The following LNPK variants were observed in gnomAD, a reference collection of about 807,000 sequenced individuals.
The protein encoded by LNPK is lunapark, ER junction formation factor, also known as endoplasmic reticulum junction formation protein lunapark.
Under a neutral mutation model 55.2 loss-of-function variants are expected in LNPK, and 29 were observed. The observed-to-expected ratio is 0.53, with a 90% CI of 0.39 to 0.72. The LOEUF is 0.72. Among genes scored for constraint, LNPK ranks in the 30% least tolerant of loss-of-function variants. The probability of loss-of-function intolerance (pLI) is 0.00; values close to 1 mark genes in which losing one functional copy is unlikely to be tolerated. For synonymous variants in LNPK, 162 were observed against 168.2 expected (o/e 0.96, Z 0.29); for missense variants, 467 against 494.8 (o/e 0.94, Z 0.53).
rs34758049 is a variant in LNPK at position 175,929,058 on chromosome 2, G to A, written c.*909C>T. 4 of 965,814 alleles carry A rather than the reference G, an allele frequency of 4.1e-6. No homozygotes were observed. Among genetic ancestry groups the A allele is most frequent in the African/African-American group, 1.8e-5 (1 of 56,730 alleles). The allele number at this position is 965,814 out of a possible 1,614,324, so 59.8% of individuals were successfully genotyped here. ...GAGCTATTCCTCCTAAGATTTTTCA[G>A]GTAGCCAAGTCACCCACCAAGATAC... On this transcript the variant is annotated 3_prime_UTR_variant, in exon 13 of 13. Transcript: ENST00000272748.
Position 175,924,041 on chromosome 2 carries a change from G to C in LNPK, c.*5926C>G, listed in dbSNP as rs1466342267. 1 of 152,072 alleles carries C rather than the reference G, an allele frequency of 6.6e-6. No individual in the cohort carries two copies. Among genetic ancestry groups the C allele is most frequent in the East Asian group, 1.9e-4 (1 of 5,194 alleles). The allele number at this position is 152,072 out of a possible 1,614,324, so 9.4% of individuals were successfully genotyped here. On this transcript the variant is annotated 3_prime_UTR_variant, in exon 13 of 13. Transcript: ENST00000272748. ...TAAAACTTTAATAATTTTGAAACAAGTCAAATTACATAACTGTAACATACA... is the reference window on the plus strand; with the variant it reads ...TAAAACTTTAATAATTTTGAAACAACTCAAATTACATAACTGTAACATACA...
At chr2:175,968,346 G>T (rs1219356698) in intron 6 of LNPK, among the ~76,000 whole-genome samples, 5 of 152,110 alleles carry the variant, frequency 3.3e-5, no homozygotes. Flanking sequence ...AGGAATGCTG[G>T]AAATTACCAC....
rs1265421414 is a variant in LNPK at position 176,000,339 on chromosome 2, C to T, written c.-63+1821G>A. ...ATTTGCAAAATGGTAAAAATATCTACACTTCATAGAATTGTTGTATAAATT... is the reference window on the plus strand; with the variant it reads ...ATTTGCAAAATGGTAAAAATATCTATACTTCATAGAATTGTTGTATAAATT... On this transcript the variant is annotated intron_variant, in intron 1 of 12. Coordinates refer to ENST00000272748, the MANE Select transcript of LNPK (RefSeq NM_030650.3). 2.0e-5 allele frequency among the ~76,000 whole-genome samples: 3 copies of T among 152,322 alleles called. No individual in the cohort carries two copies. The East Asian group carries it at 5.8e-4, about 29-fold the overall frequency.
intron 8 of LNPK, among the ~76,000 whole-genome samples, chr2:175,948,380 A>G (rs1685248704): frequency 2.0e-5 from 3 of 152,228 alleles, no homozygotes; most frequent in Admixed American, 2.0e-4. Flanking sequence ...TTGTAGTTTT[A>G]TTAGAACACA....
chr2:175,963,164 AG>A (rs1245136646), intron 8 of LNPK, among the ~76,000 whole-genome samples: 1 of 149,548 alleles, frequency 6.7e-6, no homozygotes, highest in East Asian at 1.9e-4. Context: ...TCAGGGATCT[AG>A]AACTAGAAAT....
chr2:175,991,068 T>A (rs1471522586), intron 4 of LNPK, among the ~76,000 whole-genome samples: 4 of 152,188 alleles, frequency 2.6e-5, no homozygotes, highest in Non-Finnish European at 4.4e-5. Flanking sequence ...AGTTTTTGGA[T>A]AGCCATTAGA....
intron 12 of LNPK, among the ~76,000 whole-genome samples, chr2:175,933,521 G>C (rs571073994): frequency 6.6e-6 from 1 of 151,950 alleles, no homozygotes; most frequent in African/African-American, 2.4e-5. Flanking sequence ...TTTAAACAAG[G>C]CACTTTTTAC....
chr2:175,988,410 G>T (rs1457509293), intron 4 of LNPK, among the ~76,000 whole-genome samples: 1 of 150,956 alleles, frequency 6.6e-6, no homozygotes, highest in African/African-American at 2.4e-5. Flanking sequence ...TACTCAGGAA[G>T]CTGAGGCACA....
At chr2:175,943,098 C>T (rs1355154780) in intron 9 of LNPK, among the ~76,000 whole-genome samples, 1 of 151,290 alleles carries the variant, frequency 6.6e-6, no homozygotes, top group Non-Finnish European at 1.5e-5. Context: ...ACCAAACTAC[C>T]GAAGTTCACT....
chr2:175,991,179 C>T (rs997561936), intron 4 of LNPK, among the ~76,000 whole-genome samples: 6 of 152,000 alleles, frequency 3.9e-5, no homozygotes, highest in African/African-American at 1.4e-4. Flanking sequence ...ATGTAAAGTG[C>T]ATTTTTGAGT....
intron 9 of LNPK, among the ~76,000 whole-genome samples, chr2:175,946,844 A>G (rs1685149959): frequency 6.6e-6 from 1 of 152,168 alleles, no homozygotes. Context: ...CCCCAGTCAC[A>G]CTCCAAAAGA....
intron 9 of LNPK, among the ~76,000 whole-genome samples, chr2:175,943,191 C>T (rs985720247): frequency 1.4e-4 from 20 of 139,848 alleles, no homozygotes; most frequent in Non-Finnish European, 2.0e-4. Context: ...CACAGTTTTT[C>T]TTAAAGAAAC....
At chr2:175,930,738 T>C (rs554252694) in intron 12 of LNPK, among the ~76,000 whole-genome samples, 1 of 152,218 alleles carries the variant, frequency 6.6e-6, no homozygotes, top group East Asian at 1.9e-4. Context: ...ATCCAAAAAC[T>C]GGGAAGTCAG....
chr2:176,000,130 T>A (rs571898105), intron 1 of LNPK, among the ~76,000 whole-genome samples: 1 of 152,358 alleles, frequency 6.6e-6, no homozygotes, highest in East Asian at 1.9e-4. Context: ...AATGGCTATT[T>A]ACACTCAGGT....
intron 8 of LNPK, among the ~76,000 whole-genome samples, chr2:175,957,468 G>A (rs944026528): frequency 1.3e-5 from 2 of 151,550 alleles, no homozygotes; most frequent in Admixed American, 6.6e-5. Context: ...GTCAAAAGCC[G>A]ACTTCTCCAC....
At chr2:176,001,509 A>G (rs138684336) in intron 1 of LNPK, among the ~76,000 whole-genome samples, 155 of 152,202 alleles carry the variant, frequency 1.0e-3, no homozygotes, top group African/African-American at 3.3e-3. Flanking sequence ...TTCTCCTCCT[A>G]CCACGCCTCT....
intron 4 of LNPK, among the ~76,000 whole-genome samples, chr2:175,991,126 C>G (rs1460930545): frequency 6.6e-6 from 1 of 152,134 alleles, no homozygotes; most frequent in Non-Finnish European, 1.5e-5. Flanking sequence ...CAACTAGATA[C>G]AAGTCTTTTA....
rs1204455966 is a variant in LNPK, at chr2:175,992,086, A to T, written c.257+145T>A. 1.0e-4 allele frequency: 55 copies of T among 550,696 alleles called. No homozygotes were observed. The East Asian group carries it at 1.9e-3, about 19-fold the overall frequency. 34.1% of individuals were successfully genotyped at this position (550,696 alleles called of 1,614,324 possible). ...GGTTTAGAACAATTGTTCTACTAAA[A>T]AAATCTTTTCAAATTGTGAAAGAAA... On this transcript the variant is annotated intron_variant, in intron 4 of 12. Transcript: ENST00000272748.
At position 175,939,574 on chromosome 2, in the gene LNPK, C is replaced by G. The variant is rs1204534874; in HGVS notation, c.790G>C (p.Val264Leu). 6.3e-7 allele frequency: 1 copy of G among 1,595,366 alleles called. No homozygotes were observed. The highest frequency in any genetic ancestry group is 2.2e-5 in the East Asian group (1 of 44,646). Residue 264 changes from valine to leucine, a missense_variant, in exon 10 of 13, where the codon GTT (valine) becomes CTT (leucine). By Grantham distance (32) the Val-to-Leu change is conservative. Coordinates refer to ENST00000272748, the MANE Select transcript of LNPK (RefSeq NM_030650.3). ...GALDRIVEYL[V>L]GDGPQNRYAL... ...TACCTGTTTTGTGGACCATCACCAA[C>G]CAAATATTCAACAATTCTATCCAAA... is the stretch of plus-strand genomic sequence containing the variant.
Sources: allele counts gnomAD v4.1 joint callset (sites outside exome capture counted in the v4.1 genomes callset), GRCh38; gene constraint gnomAD v4.1.1; transcripts MANE v1.5; gene names NCBI Gene and HGNC (gene_info 2026-07-23, HGNC 2026-07-21).